Variants in KCTD16 observed in about 807,000 individuals in gnomAD.
KCTD16 encodes the protein potassium channel tetramerization domain containing 16.
In KCTD16, 13 loss-of-function variants were observed where a neutral mutation model predicts 33.2. That is an observed-to-expected ratio of 0.39 (90% CI 0.25 to 0.62). KCTD16 has a LOEUF of 0.62. Among genes scored for constraint, KCTD16 ranks in the 20% least tolerant of loss-of-function variants. KCTD16 has a pLI of 0.50. For synonymous variants in KCTD16, 197 were observed against 195.3 expected (o/e 1.01, Z -0.07); for missense variants, 441 against 525.1 (o/e 0.84, Z 1.57).
intron 2 of KCTD16, among the ~76,000 whole-genome samples, chr5:144,186,510 C>G (rs1319618528): frequency 6.6e-6 from 1 of 152,016 alleles, no homozygotes; most frequent in African/African-American, 2.4e-5. Context: ...TGTGCTTTAA[C>G]AATATTCTAG....
At chr5:144,219,331 A>G (rs1029549495) in intron 3 of KCTD16, among the ~76,000 whole-genome samples, 2 of 151,798 alleles carry the variant, frequency 1.3e-5, no homozygotes, top group African/African-American at 4.8e-5. Flanking sequence ...CTCCTGCCTC[A>G]GCCTCCCGTG....
chr5:144,315,526 A>G (rs1258015323), intron 3 of KCTD16, among the ~76,000 whole-genome samples: 1 of 152,188 alleles, frequency 6.6e-6, no homozygotes, highest in Non-Finnish European at 1.5e-5. Flanking sequence ...CTCATCCCAA[A>G]TATAATGATG....
intron 3 of KCTD16, among the ~76,000 whole-genome samples, chr5:144,229,959 T>G (rs1236664497): frequency 6.6e-6 from 1 of 152,138 alleles, no homozygotes; most frequent in Non-Finnish European, 1.5e-5. Flanking sequence ...GTGGCCAACA[T>G]GGTGAAACCA....
chr5:144,192,438 G>A (rs1211789014), intron 2 of KCTD16, among the ~76,000 whole-genome samples: 1 of 152,168 alleles, frequency 6.6e-6, no homozygotes, highest in Non-Finnish European at 1.5e-5. Context: ...TTTGTCATGA[G>A]GTTTCACTTA....
chr5:144,446,531 G>T (rs922757594), intron 3 of KCTD16, among the ~76,000 whole-genome samples: 1 of 152,048 alleles, frequency 6.6e-6, no homozygotes, highest in African/African-American at 2.4e-5. Context: ...AAAAGCAATT[G>T]CAACAAAAGC....
At chr5:144,237,937 A>T (rs1754298400) in intron 3 of KCTD16, among the ~76,000 whole-genome samples, 1 of 152,134 alleles carries the variant, frequency 6.6e-6, no homozygotes, top group African/African-American at 2.4e-5. Context: ...TTCGAATTGC[A>T]GTTTGGTCCT....
Position 144,361,617 on chromosome 5 carries a change from C to G in KCTD16, c.833-112043C>G, listed in dbSNP as rs1293484020. 2.0e-5 allele frequency among the ~76,000 whole-genome samples: 3 copies of G among 152,192 alleles called. No individual in the cohort carries two copies. In the East Asian group the frequency reaches 5.8e-4, roughly 29 times the overall value. Reference sequence around the variant, plus strand: ...ACCCCTTCGTTGCTTACTACCACCTCAGGCTATGCAATCCTTTTGGGGTAT... The same window carrying G: ...ACCCCTTCGTTGCTTACTACCACCTGAGGCTATGCAATCCTTTTGGGGTAT... On this transcript the variant is annotated intron_variant, in intron 3 of 3. Transcript: ENST00000512467.
At chr5:144,461,651 G>A (rs148000522) in intron 3 of KCTD16, among the ~76,000 whole-genome samples, 57 of 152,220 alleles carry the variant, frequency 3.7e-4, no homozygotes, top group South Asian at 2.5e-3. Flanking sequence ...TGATCTGGTC[G>A]CTCTGTTGTG....
At chr5:144,412,114 A>G (rs1007458189) in intron 3 of KCTD16, among the ~76,000 whole-genome samples, 2 of 152,154 alleles carry the variant, frequency 1.3e-5, no homozygotes, top group African/African-American at 2.4e-5. Flanking sequence ...AAACTATAAC[A>G]TTTCCTCAAA....
intron 3 of KCTD16, among the ~76,000 whole-genome samples, chr5:144,388,904 A>G (rs546205664): frequency 4.2e-4 from 64 of 152,342 alleles, no homozygotes; most frequent in Middle Eastern, 3.4e-3. Flanking sequence ...ATGTACATAT[A>G]TGTGTCTTAA....
At chr5:144,371,637 T>C (rs1751968892) in intron 3 of KCTD16, among the ~76,000 whole-genome samples, 1 of 152,120 alleles carries the variant, frequency 6.6e-6, no homozygotes. Flanking sequence ...CCATTGCAAT[T>C]GAAGACATTA....
chr5:144,236,174 A>G (rs1326487136), intron 3 of KCTD16, among the ~76,000 whole-genome samples: 2 of 152,152 alleles, frequency 1.3e-5, no homozygotes, highest in African/African-American at 2.4e-5. Context: ...GGAGACAAAA[A>G]CATATACCAG....
chr5:144,191,029 A>T (rs190179080), intron 2 of KCTD16, among the ~76,000 whole-genome samples: 2 of 152,322 alleles, frequency 1.3e-5, no homozygotes, highest in East Asian at 3.9e-4. Context: ...ACCATTCTTC[A>T]CTTTGCCAAA....
intron 3 of KCTD16, among the ~76,000 whole-genome samples, chr5:144,414,056 A>T (rs1752992375): frequency 6.6e-6 from 1 of 152,200 alleles, no homozygotes; most frequent in Non-Finnish European, 1.5e-5. Context: ...TTTGCTTGGG[A>T]AACATTTCAC....
chr5:144,220,893 A>T (rs1280177882), intron 3 of KCTD16, among the ~76,000 whole-genome samples: 1 of 151,878 alleles, frequency 6.6e-6, no homozygotes. Flanking sequence ...GTGAGCCGAG[A>T]TCACGCCACT....
At chr5:144,327,425 G>A (rs1752238707) in intron 3 of KCTD16, among the ~76,000 whole-genome samples, 2 of 152,014 alleles carry the variant, frequency 1.3e-5, no homozygotes, top group Admixed American at 1.3e-4. Flanking sequence ...TCCTGATCTT[G>A]CCTATCTCTT....
At chr5:144,385,121 A>C (rs1752295838) in intron 3 of KCTD16, 1 of 152,206 alleles carries the variant, frequency 6.6e-6, no homozygotes, top group African/African-American at 2.4e-5. Flanking sequence ...ACTTCATTGT[A>C]AGATAATAAT....
rs77462437 is a variant in KCTD16 at position 144,436,569 on chromosome 5, A to G, written c.833-37091A>G. 5.0e-3 allele frequency among the ~76,000 whole-genome samples: 755 copies of G among 151,278 alleles called. 5 individuals carry two copies. Among genetic ancestry groups the G allele is most frequent in the African/African-American group, 0.018 (726 of 41,078 alleles). On this transcript the variant is annotated intron_variant, in intron 3 of 3. Coordinates refer to ENST00000512467, the MANE Select transcript of KCTD16 (RefSeq NM_020768.4). ...TTTTGCCAACTACTTCCTAGAAAAT[A>G]TTGGGGAAAGTGTTTAACTTCTTTT...
chr5:144,207,256 A>G lies in KCTD16; in HGVS notation c.542A>G (p.Gln181Arg). Residue 181 changes from glutamine (Q) to arginine (R), a missense_variant, in exon 3 of 4, where the codon CAG becomes CGG. Transcript: ENST00000512467. Reference sequence around the variant, plus strand: ...TCCTGCACCTTGGGCAGAGAGGGACAGGCAGATGCCAAGTTTCGGAGAGTT... The same window carrying G: ...TCCTGCACCTTGGGCAGAGAGGGACGGGCAGATGCCAAGTTTCGGAGAGTT... ...RGSCTLGREG[Q>R]ADAKFRRVPR... The G allele has an allele frequency of 1.2e-6, 2 of 1,614,230 alleles. No homozygotes were observed. Among genetic ancestry groups the G allele is most frequent in the Non-Finnish European group, 1.7e-6 (2 of 1,180,040 alleles).
Sources: allele counts gnomAD v4.1 joint callset (sites outside exome capture counted in the v4.1 genomes callset), GRCh38; gene constraint gnomAD v4.1.1; transcripts MANE v1.5; gene names NCBI Gene and HGNC (gene_info 2026-07-23, HGNC 2026-07-21).